The following FNBP1L variants were observed in gnomAD, a reference collection of about 807,000 sequenced individuals.
FNBP1L encodes the protein formin binding protein 1 like.
In FNBP1L, 36 loss-of-function variants were observed where a neutral mutation model predicts 91.2. That is an observed-to-expected ratio of 0.39 (90% CI 0.30 to 0.52). FNBP1L has a LOEUF of 0.52. Among genes scored for constraint, FNBP1L ranks in the 20% least tolerant of loss-of-function variants. The pLI is 0.66. For missense variants in FNBP1L, 571 were observed against 732.1 expected, an observed-to-expected ratio of 0.78 and a Z score of 2.54; for synonymous variants, 242 against 237.0, an observed-to-expected ratio of 1.02 and a Z score of -0.19.
intron 16 of FNBP1L, 26 bp downstream of exon 16, chr1:93,551,131 C>A: frequency 1.3e-6 from 2 of 1,574,984 alleles, no homozygotes; most frequent in East Asian, 2.3e-5. Flanking sequence ...TCTAAACTAA[C>A]CAGGCACCTT....
intron 1 of FNBP1L, among the ~76,000 whole-genome samples, chr1:93,477,097 T>C (rs1669522881): frequency 6.6e-6 from 1 of 152,198 alleles, no homozygotes; most frequent in Non-Finnish European, 1.5e-5. Flanking sequence ...CACTTGCATT[T>C]TGAAAAGATC....
In FNBP1L at chr1:93,492,166, A is replaced by G. The variant is rs1200143018; in HGVS notation, c.25-7302A>G. Reference sequence around the variant, plus strand: ...ACATTTAGTTTTTAAAAACAATCTGATACAGGTCTTAGATATCTATTTTTT... The same window carrying G: ...ACATTTAGTTTTTAAAAACAATCTGGTACAGGTCTTAGATATCTATTTTTT... On this transcript the variant is annotated intron_variant, in intron 1 of 16. Transcript: ENST00000271234. 1.1e-3 allele frequency among the ~76,000 whole-genome samples: 175 copies of G among 152,334 alleles called. 1 individual carries two copies. The Middle Eastern group carries it at 0.017, about 15-fold the overall frequency.
chr1:93,530,551 T>G (rs904116657), intron 6 of FNBP1L, among the ~76,000 whole-genome samples: 5 of 152,108 alleles, frequency 3.3e-5, no homozygotes, highest in Admixed American at 2.6e-4. Context: ...GAGACCACTC[T>G]GACAGTAAGA....
intron 1 of FNBP1L, among the ~76,000 whole-genome samples, chr1:93,497,293 A>G (rs1336891312): frequency 6.6e-6 from 1 of 152,242 alleles, no homozygotes; most frequent in Non-Finnish European, 1.5e-5. Flanking sequence ...AAAAGTTGTA[A>G]TATTTTCTGA....
chr1:93,550,566 C>T (rs1228945081), intron 15 of FNBP1L, among the ~76,000 whole-genome samples: 1 of 152,164 alleles, frequency 6.6e-6, no homozygotes, highest in East Asian at 1.9e-4. Flanking sequence ...CTTTTGCTAT[C>T]TGGTTACTGT....
chr1:93,550,163 T>TA (rs921459123), intron 15 of FNBP1L, among the ~76,000 whole-genome samples: 2 of 152,198 alleles, frequency 1.3e-5, no homozygotes, highest in African/African-American at 4.8e-5. Context: ...AGTCTCTAGT[T>TA]ACTTCTTATT....
chr1:93,448,126 C>A lies in FNBP1L; in HGVS notation c.-156C>A. 1 of 927,960 alleles carries A rather than the reference C, an allele frequency of 1.1e-6. No individual in the cohort carries two copies. Among genetic ancestry groups the A allele is most frequent in the East Asian group, 3.3e-5 (1 of 30,446 alleles). The allele number at this position is 927,960 out of a possible 1,614,324, so 57.5% of individuals were successfully genotyped here. ...GCGGCGGAGGCTTCTCCAGTCGCGT[C>A]TTTCTCACTCACTGGGGAGCCCGGC... is the stretch of plus-strand genomic sequence containing the variant. On this transcript the variant is annotated 5_prime_UTR_variant, in exon 1 of 17. Transcript: ENST00000271234.
chr1:93,515,956 G>C (rs1229886705), intron 2 of FNBP1L, among the ~76,000 whole-genome samples: 1 of 151,916 alleles, frequency 6.6e-6, no homozygotes, highest in African/African-American at 2.4e-5. Flanking sequence ...CATAATAATT[G>C]ACCTATTATC....
chr1:93,530,710 C>T (rs1227765848), intron 6 of FNBP1L, 45 bp from the exon 7 acceptor site: 6 of 1,567,410 alleles, frequency 3.8e-6, no homozygotes, highest in Non-Finnish European at 3.5e-6. Flanking sequence ...AAGTGAATTG[C>T]TGTGATTTTG....
intron 2 of FNBP1L, among the ~76,000 whole-genome samples, chr1:93,504,938 G>A: frequency 6.6e-6 from 1 of 151,848 alleles, no homozygotes; most frequent in East Asian, 1.9e-4. Flanking sequence ...AAATTTTGAT[G>A]TAGTTTATCT....
At chr1:93,504,471 C>T (rs139573310) in intron 2 of FNBP1L, among the ~76,000 whole-genome samples, 77 of 152,286 alleles carry the variant, frequency 5.1e-4, no homozygotes, top group Non-Finnish European at 1.0e-3. Context: ...CTTTTTCCTC[C>T]CTGTCTCGGG....
chr1:93,476,266 T>G (rs962267695), intron 1 of FNBP1L, among the ~76,000 whole-genome samples: 11 of 152,182 alleles, frequency 7.2e-5, no homozygotes, highest in African/African-American at 2.4e-4. Flanking sequence ...CTGCTTTTAA[T>G]TCTTTGTATC....
intron 1 of FNBP1L, among the ~76,000 whole-genome samples, chr1:93,477,583 G>A (rs1016741667): frequency 1.3e-5 from 2 of 152,144 alleles, no homozygotes; most frequent in Non-Finnish European, 2.9e-5. Context: ...ATACTCTTCA[G>A]CACAAAAATG....
chr1:93,522,142 T>C lies in FNBP1L; in HGVS notation c.194+7T>C. 6.9e-7 allele frequency: 1 copy of C among 1,454,792 alleles called. No homozygotes were observed. The highest frequency in any genetic ancestry group is 9.1e-7 in the Non-Finnish European group (1 of 1,095,886). 90.1% of individuals were successfully genotyped at this position (1,454,792 alleles called of 1,614,324 possible). A position where few individuals can be genotyped will look rare whatever the true frequency, so the allele number is the denominator to read the frequency against. On this transcript the variant is annotated splice_region_variant and intron_variant, in intron 3 of 16. Transcript: ENST00000271234. ...CCAAAGATGAAGAGCCACGGTAAAT[T>C]ACATACCTGTTCATTAATGCATATT...
At chr1:93,529,209 AAAAATTAT>A (rs1238816492) in intron 5 of FNBP1L, among the ~76,000 whole-genome samples, 7 of 152,120 alleles carry the variant, frequency 4.6e-5, no homozygotes, top group Admixed American at 1.3e-4. Flanking sequence ...TTTTTTATAA[AAAAATTAT>A]AAAACACACA....
Position 93,546,970 on chromosome 1 carries a change from A to G in FNBP1L, c.1403A>G (p.Asn468Ser). 1.2e-6 allele frequency: 2 copies of G among 1,611,158 alleles called. No individual in the cohort carries two copies. Among genetic ancestry groups the G allele is most frequent in the Non-Finnish European group, 1.7e-6 (2 of 1,178,752 alleles). The change falls in exon 13 of 17, where the codon AAT becomes AGT. Residue 468 changes from asparagine to serine, a missense_variant. Transcript: ENST00000271234. Reference protein sequence around the residue: ...IDRLRMEIHKNEAWLSEVEGK... With the variant: ...IDRLRMEIHKSEAWLSEVEGK... ...CGCCTACGAATGGAAATCCATAAGA[A>G]TGAGGTAGATTTGTTATTCAGCACT...
chr1:93,546,198 C>G (rs1455731296), intron 12 of FNBP1L, among the ~76,000 whole-genome samples: 2 of 151,840 alleles, frequency 1.3e-5, no homozygotes, highest in Non-Finnish European at 2.9e-5. Context: ...TGTGAGAAAG[C>G]AGAGGTGAGG....
At chr1:93,469,867 T>C (rs1669223844) in intron 1 of FNBP1L, among the ~76,000 whole-genome samples, 1 of 152,094 alleles carries the variant, frequency 6.6e-6, no homozygotes, top group African/African-American at 2.4e-5. Context: ...TTCCAGCTAC[T>C]TGGGATCACT....
intron 14 of FNBP1L, 104 bp from the exon 15 acceptor site, chr1:93,549,174 A>G: frequency 1.2e-6 from 1 of 818,030 alleles, no homozygotes; most frequent in Non-Finnish European, 1.7e-6. Context: ...CTGTGTCATT[A>G]ATATTTAATT....
Sources: allele counts gnomAD v4.1 joint callset (sites outside exome capture counted in the v4.1 genomes callset), GRCh38; gene constraint gnomAD v4.1.1; transcripts MANE v1.5; gene names NCBI Gene and HGNC (gene_info 2026-07-23, HGNC 2026-07-21).